Variants in SCHIP1 observed in about 807,000 individuals in gnomAD.
The protein encoded by SCHIP1 is schwannomin interacting protein 1.
A neutral mutation model predicts 29.7 loss-of-function variants in SCHIP1; 8 were observed. The ratio of observed to expected loss-of-function variants is 0.27; its 90% CI spans 0.16 to 0.49. SCHIP1 has a LOEUF of 0.49. Ranked by LOEUF, SCHIP1 falls within the 20% of genes least tolerant of loss-of-function variation. The probability of loss-of-function intolerance (pLI) is 0.99; values close to 1 mark genes in which losing one functional copy is unlikely to be tolerated. For synonymous variants in SCHIP1, 76 were observed against 94.9 expected, an observed-to-expected ratio of 0.80 and a Z score of 1.16; for missense variants, 193 against 294.6, an observed-to-expected ratio of 0.66 and a Z score of 2.52.
At chr3:159,785,728 T>G in the SCHIP1 span, among the ~76,000 whole-genome samples, 2 of 152,186 alleles carry the variant, frequency 1.3e-5, no homozygotes, top group African/African-American at 4.8e-5. Context: ...GAAAAATATA[T>G]TTTTCTAATC....
At chr3:159,667,139 A>G in the SCHIP1 span, among the ~76,000 whole-genome samples, 27,525 of 152,214 alleles carry the variant, frequency 0.18, 6,438 homozygotes, top group African/African-American at 0.55. Context: ...GGGAGTGAGA[A>G]CTTGTAGCTT....
the SCHIP1 span, among the ~76,000 whole-genome samples, chr3:159,624,114 G>C: frequency 6.6e-6 from 1 of 152,048 alleles, no homozygotes; most frequent in African/African-American, 2.4e-5. Context: ...AATATATAAT[G>C]GTTACTCTTT....
At chr3:159,726,418 A>G in the SCHIP1 span, among the ~76,000 whole-genome samples, 2 of 152,214 alleles carry the variant, frequency 1.3e-5, no homozygotes, top group Non-Finnish European at 2.9e-5. Flanking sequence ...CCGCAGGCTG[A>G]CACGCCCTGC....
the SCHIP1 span, among the ~76,000 whole-genome samples, chr3:159,554,002 GTGTGTGTGTGTGTGTGTTTGTGTA>G: frequency 1.6e-4 from 20 of 124,948 alleles, no homozygotes; most frequent in African/African-American, 4.2e-4. Flanking sequence ...GTGTGTGTGT[GTGTGTGTGTGTGTGTGTTTGTGTA>G]TGTGTGTGTG....
At chr3:159,884,721 C>T (rs1019446310) in intron 2 of SCHIP1, among the ~76,000 whole-genome samples, 8 of 152,114 alleles carry the variant, frequency 5.3e-5, no homozygotes, top group East Asian at 1.9e-4. Flanking sequence ...CCCATTTTAT[C>T]GATGAGGAAA....
the SCHIP1 span, among the ~76,000 whole-genome samples, chr3:159,452,517 A>G: frequency 2.0e-5 from 3 of 152,164 alleles, no homozygotes. Flanking sequence ...TCCATGGTGT[A>G]TATGTGCCAT....
the SCHIP1 span, among the ~76,000 whole-genome samples, chr3:159,518,790 T>G: frequency 1.5e-4 from 23 of 152,014 alleles, no homozygotes; most frequent in Admixed American, 1.5e-3. Context: ...TCCAACAATT[T>G]CTAGTATGAA....
chr3:159,413,228 T>G, the SCHIP1 span, among the ~76,000 whole-genome samples: 1 of 152,148 alleles, frequency 6.6e-6, no homozygotes, highest in Non-Finnish European at 1.5e-5. Flanking sequence ...CAAGGTGATA[T>G]TTGAGTGGGG....
chr3:159,882,373 A>G (rs1263180209), intron 2 of SCHIP1, among the ~76,000 whole-genome samples: 1 of 152,224 alleles, frequency 6.6e-6, no homozygotes, highest in African/African-American at 2.4e-5. Flanking sequence ...AATCTTGAAC[A>G]TTTATACGTA....
At chr3:159,567,850 A>C in the SCHIP1 span, among the ~76,000 whole-genome samples, 8 of 152,146 alleles carry the variant, frequency 5.3e-5, no homozygotes, top group African/African-American at 1.7e-4. Flanking sequence ...ACTATAGGAA[A>C]ACATTTTGGA....
the SCHIP1 span, among the ~76,000 whole-genome samples, chr3:159,680,846 G>A: frequency 6.9e-6 from 1 of 145,172 alleles, no homozygotes; most frequent in Non-Finnish European, 1.5e-5. Context: ...GATCCGTGAG[G>A]AATAGTATGC....
the SCHIP1 span, among the ~76,000 whole-genome samples, chr3:159,492,999 C>T: frequency 6.6e-6 from 1 of 152,274 alleles, no homozygotes; most frequent in East Asian, 1.9e-4. Context: ...TCCAGCCAAA[C>T]TAAGCTTCAT....
the SCHIP1 span, among the ~76,000 whole-genome samples, chr3:159,577,762 T>C: frequency 1.3e-5 from 2 of 152,052 alleles, no homozygotes; most frequent in Non-Finnish European, 2.9e-5. Flanking sequence ...CAGGTGATTA[T>C]AGCAGTCACA....
chr3:159,572,422 T>A, the SCHIP1 span, among the ~76,000 whole-genome samples: 2 of 152,298 alleles, frequency 1.3e-5, no homozygotes, highest in African/African-American at 4.8e-5. Flanking sequence ...TCCATGTAGT[T>A]GTGTAGTTTT....
chr3:159,570,284 A>G, the SCHIP1 span, among the ~76,000 whole-genome samples: 19 of 152,140 alleles, frequency 1.2e-4, no homozygotes, highest in Non-Finnish European at 2.5e-4. Context: ...TAGGTCTAAC[A>G]TTTAAGTCTT....
At chr3:159,505,420 G>A in the SCHIP1 span, among the ~76,000 whole-genome samples, 4 of 152,152 alleles carry the variant, frequency 2.6e-5, no homozygotes, top group African/African-American at 4.8e-5. Flanking sequence ...AAGGTTGGGG[G>A]ACATGTGATA....
the SCHIP1 span, among the ~76,000 whole-genome samples, chr3:159,460,409 A>G: frequency 6.6e-6 from 1 of 152,216 alleles, no homozygotes; most frequent in African/African-American, 2.4e-5. Context: ...AAAGTGATCA[A>G]ATAAATCTAC....
the SCHIP1 span, among the ~76,000 whole-genome samples, chr3:159,466,984 AAAAAT>A: frequency 0.016 from 2,475 of 152,286 alleles, 25 homozygotes; most frequent in Middle Eastern, 0.075. Context: ...AAACAACATT[AAAAAT>A]AAAATAAGAA....
chr3:159,299,565 C>T, the SCHIP1 span, among the ~76,000 whole-genome samples: 357 of 152,222 alleles, frequency 2.3e-3, no homozygotes, highest in Admixed American at 4.9e-3. Context: ...GTTGCCAGAA[C>T]GTAAAAAAAG....
Sources: gnomAD v4.1 joint callset for allele counts (sites outside exome capture counted in the v4.1 genomes callset) on GRCh38, gnomAD v4.1.1 for gene constraint, MANE v1.5 for transcripts, NCBI Gene and HGNC (gene_info 2026-07-23, HGNC 2026-07-21) for gene names.